CIMIP5: variants seen among roughly 807,000 people sequenced by gnomAD.
The protein encoded by CIMIP5 is ciliary microtubule inner protein 5.
At chr2:11,141,810 C>G in the CIMIP5 span, among the ~76,000 whole-genome samples, 6 of 151,732 alleles carry the variant, frequency 4.0e-5, no homozygotes, top group Non-Finnish European at 8.8e-5. Flanking sequence ...CCTGTCTCTA[C>G]AAAAATAACA....
chr2:11,139,369 G>C, the CIMIP5 span, among the ~76,000 whole-genome samples: 2 of 152,240 alleles, frequency 1.3e-5, no homozygotes, highest in African/African-American at 2.4e-5. Flanking sequence ...ACTCTAGGAT[G>C]TGGGGCTCAG....
At chr2:11,154,455 T>TTCCC in the CIMIP5 span, among the ~76,000 whole-genome samples, 1 of 152,202 alleles carries the variant, frequency 6.6e-6, no homozygotes, top group African/African-American at 2.4e-5. Flanking sequence ...TCCCTCACAC[T>TTCCC]TCCCGGCTGA....
chr2:11,153,128 C>T, the CIMIP5 span, among the ~76,000 whole-genome samples: 23 of 152,280 alleles, frequency 1.5e-4, no homozygotes, highest in African/African-American at 5.3e-4. Context: ...TGCCTAACCC[C>T]GAAGGGCCAC....
the CIMIP5 span, chr2:11,133,310 G>GCGCACACA: frequency 3.7e-6 from 5 of 1,356,402 alleles, no homozygotes; most frequent in African/African-American, 6.0e-5. Flanking sequence ...TGACACAAGC[G>GCGCACACA]CACACACACA....
At chr2:11,153,889 A>G in the CIMIP5 span, among the ~76,000 whole-genome samples, 2 of 149,228 alleles carry the variant, frequency 1.3e-5, no homozygotes, top group Admixed American at 6.7e-5. Flanking sequence ...GTGCCACTGC[A>G]CTCCAGCCTG....
chr2:11,140,336 C>T, the CIMIP5 span, among the ~76,000 whole-genome samples: 8 of 144,204 alleles, frequency 5.5e-5, no homozygotes, highest in Admixed American at 2.1e-4. Flanking sequence ...GATTGCGCCA[C>T]GGCACTCCAG....
At chr2:11,148,328 G>T in the CIMIP5 span, among the ~76,000 whole-genome samples, 16 of 152,024 alleles carry the variant, frequency 1.1e-4, no homozygotes, top group Non-Finnish European at 2.2e-4. Context: ...TGTTGGTCAG[G>T]CTGTTCTCAA....
At chr2:11,135,011 C>G in the CIMIP5 span, among the ~76,000 whole-genome samples, 2 of 151,948 alleles carry the variant, frequency 1.3e-5, no homozygotes, top group Non-Finnish European at 1.5e-5. Context: ...GACCAAGAGA[C>G]AGAGAGAGAG....
At chr2:11,151,480 C>G in the CIMIP5 span, among the ~76,000 whole-genome samples, 1 of 152,240 alleles carries the variant, frequency 6.6e-6, no homozygotes, top group South Asian at 2.1e-4. Context: ...AAAGGGCTCA[C>G]CTTGCCCGCT....
At chr2:11,148,344 C>T in the CIMIP5 span, among the ~76,000 whole-genome samples, 62 of 152,094 alleles carry the variant, frequency 4.1e-4, no homozygotes, top group Admixed American at 1.5e-3. Context: ...CTCAAACTCC[C>T]GACCTCAGGT....
chr2:11,145,967 T>G, the CIMIP5 span: 1 of 152,262 alleles, frequency 6.6e-6, no homozygotes, highest in South Asian at 2.1e-4. Context: ...GGATTTCGTA[T>G]TCATTTAATA....
chr2:11,138,970 T>A, the CIMIP5 span, among the ~76,000 whole-genome samples: 1 of 152,052 alleles, frequency 6.6e-6, no homozygotes, highest in East Asian at 1.9e-4. Flanking sequence ...CAGGCTGGAG[T>A]GCAGTGGCTT....
At chr2:11,142,713 ATT>A in the CIMIP5 span, among the ~76,000 whole-genome samples, 1,705 of 104,078 alleles carry the variant, frequency 0.016, 38 homozygotes, top group African/African-American at 0.059. Context: ...CACTTGTCAG[ATT>A]TTTTTTTTTT....
the CIMIP5 span, among the ~76,000 whole-genome samples, chr2:11,153,247 GC>G: frequency 6.6e-6 from 1 of 152,208 alleles, no homozygotes; most frequent in Non-Finnish European, 1.5e-5. Context: ...GACCCCCAGA[GC>G]AGGCGGCTGC....
chr2:11,144,569 G>A, the CIMIP5 span: 15,583 of 152,898 alleles, frequency 0.1, 2,103 homozygotes, highest in African/African-American at 0.31. Context: ...CAACACAAAC[G>A]TATCATCTTA....
the CIMIP5 span, among the ~76,000 whole-genome samples, chr2:11,136,175 T>C: frequency 6.6e-6 from 1 of 152,252 alleles, no homozygotes; most frequent in African/African-American, 2.4e-5. Context: ...GCCTGTCCTT[T>C]GTGTGGCATA....
At chr2:11,133,615 C>A in the CIMIP5 span, 1 of 1,561,426 alleles carries the variant, frequency 6.4e-7, no homozygotes, top group South Asian at 1.1e-5. Flanking sequence ...CTCCCTTTTC[C>A]ACCCTGACTC....
At chr2:11,152,462 TC>T in the CIMIP5 span, among the ~76,000 whole-genome samples, 5 of 152,190 alleles carry the variant, frequency 3.3e-5, no homozygotes, top group Admixed American at 1.3e-4. Context: ...AGGTCTGATT[TC>T]TTTCATTGTC....
chr2:11,147,270 T>C, the CIMIP5 span, among the ~76,000 whole-genome samples: 1 of 152,224 alleles, frequency 6.6e-6, no homozygotes, highest in African/African-American at 2.4e-5. Context: ...ATCCATCTCA[T>C]GTGTGACTTC....
Sources: allele counts gnomAD v4.1 joint callset (sites outside exome capture counted in the v4.1 genomes callset), GRCh38; gene constraint gnomAD v4.1.1; transcripts MANE v1.5; gene names NCBI Gene and HGNC (gene_info 2026-07-23, HGNC 2026-07-21).